PIP4K2A: variants seen among roughly 807,000 people sequenced by gnomAD.
The protein encoded by PIP4K2A is phosphatidylinositol 5-phosphate 4-kinase type-2 alpha.
PIP4K2A carries 14 observed loss-of-function variants against 42.9 expected under a neutral mutation model. That is an observed-to-expected ratio of 0.33 (90% CI 0.22 to 0.51). The LOEUF (loss-of-function observed/expected upper bound fraction) is 0.51. Ranked by LOEUF, PIP4K2A falls within the 20% of genes least tolerant of loss-of-function variation. The pLI is 0.97. For missense variants in PIP4K2A, 434 were observed against 519.8 expected, an observed-to-expected ratio of 0.83 and a Z score of 1.61; for synonymous variants, 192 against 192.2, an observed-to-expected ratio of 1.00 and a Z score of 0.01.
At chr10:22,638,516 A>C (rs1160088641) in intron 1 of PIP4K2A, among the ~76,000 whole-genome samples, 1 of 152,220 alleles carries the variant, frequency 6.6e-6, no homozygotes, top group Non-Finnish European at 1.5e-5. Context: ...ACCAAAAGGA[A>C]AGAGCAGGAA....
chr10:22,709,271 T>C (rs1833874701), intron 1 of PIP4K2A, among the ~76,000 whole-genome samples: 1 of 152,172 alleles, frequency 6.6e-6, no homozygotes, highest in Non-Finnish European at 1.5e-5. Flanking sequence ...TGCTAGGCCT[T>C]AAACACAGTA....
chr10:22,617,302 A>G (rs1220479588), intron 1 of PIP4K2A, among the ~76,000 whole-genome samples: 2 of 152,270 alleles, frequency 1.3e-5, no homozygotes, highest in African/African-American at 2.4e-5. Context: ...CAAGGAATAA[A>G]TAAGTGAGAC....
At chr10:22,548,830 G>C (rs919910510) in intron 7 of PIP4K2A, among the ~76,000 whole-genome samples, 1 of 151,930 alleles carries the variant, frequency 6.6e-6, no homozygotes, top group Non-Finnish European at 1.5e-5. Context: ...AGGATTGCTT[G>C]AGGCCAGGAG....
At chr10:22,699,132 G>A (rs573829485) in intron 1 of PIP4K2A, among the ~76,000 whole-genome samples, 19 of 152,092 alleles carry the variant, frequency 1.2e-4, no homozygotes, top group East Asian at 5.8e-4. Context: ...CTACTTTGGC[G>A]CAACGTGCCA....
intron 1 of PIP4K2A, chr10:22,661,939 C>A (rs1185524167): frequency 1.3e-5 from 2 of 151,988 alleles, no homozygotes; most frequent in Non-Finnish European, 2.9e-5. Flanking sequence ...ACATGAGGAA[C>A]AAGATTGTGA....
chr10:22,647,324 ATGTGTGTG>A (rs774899830), intron 1 of PIP4K2A, among the ~76,000 whole-genome samples: 1 of 85,042 alleles, frequency 1.2e-5, no homozygotes, highest in Admixed American at 9.9e-5. Flanking sequence ...GTGTGTGTGT[ATGTGTGTG>A]TGTGTGTGCA....
intron 1 of PIP4K2A, among the ~76,000 whole-genome samples, chr10:22,705,651 T>C (rs536126302): frequency 6.6e-6 from 1 of 151,894 alleles, no homozygotes; most frequent in South Asian, 2.1e-4. Context: ...ACGATCAACA[T>C]GTCTTGTTAA....
At chr10:22,567,797 G>C (rs754593396) in intron 6 of PIP4K2A, 54 bp downstream of exon 6, 2 of 1,398,286 alleles carry the variant, frequency 1.4e-6, no homozygotes, top group African/African-American at 2.8e-5. Flanking sequence ...AAGGTGATTG[G>C]GAGTATGTGA....
rs562248850 is a variant in PIP4K2A at position 22,712,114 on chromosome 10, C to T, written c.144+2069G>A. ...AACTTCACTCCTCTGGTTGTGGATA[C>T]TTAGAACTGCCAACTTCTCTTGAGA... is the stretch of plus-strand genomic sequence containing the variant. On this transcript the variant is annotated intron_variant, in intron 1 of 9. Coordinates refer to ENST00000376573, the MANE Select transcript of PIP4K2A (RefSeq NM_005028.5). 1.9e-4 allele frequency among the ~76,000 whole-genome samples: 29 copies of T among 152,290 alleles called. No individual in the cohort carries two copies. The South Asian group carries it at 5.6e-3, about 29-fold the overall frequency.
intron 5 of PIP4K2A, among the ~76,000 whole-genome samples, chr10:22,571,986 G>A (rs1342912703): frequency 1.3e-5 from 2 of 152,172 alleles, no homozygotes; most frequent in African/African-American, 4.8e-5. Context: ...AACATGTAAT[G>A]TTTTTCTCAT....
intron 7 of PIP4K2A, among the ~76,000 whole-genome samples, chr10:22,543,032 A>G (rs1332358765): frequency 6.6e-6 from 1 of 152,200 alleles, no homozygotes; most frequent in African/African-American, 2.4e-5. Flanking sequence ...GGCTATGCTG[A>G]TAGAATTTAG....
rs1401127507 is a variant in PIP4K2A at position 22,536,918 on chromosome 10, AATTT to A, written c.*279_*282del. The A allele has an allele frequency of 8.9e-6, 3 of 338,608 alleles. No homozygotes were observed. Among genetic ancestry groups the A allele is most frequent in the African/African-American group, 2.2e-5 (1 of 46,050 alleles). The allele number at this position is 338,608 out of a possible 1,614,324, so 21.0% of individuals were successfully genotyped here. On this transcript the variant is annotated 3_prime_UTR_variant, in exon 10 of 10. Coordinates refer to ENST00000376573, the MANE Select transcript of PIP4K2A (RefSeq NM_005028.5). ...TGACCGAAGTGGATCTGTTTTAATTAATTTATGACTTTTAAAATGCACACGCGCG... is the reference window on the plus strand; with the variant it reads ...TGACCGAAGTGGATCTGTTTTAATTAATGACTTTTAAAATGCACACGCGCG...
chr10:22,660,738 GCCT>G (rs991000644), intron 1 of PIP4K2A, among the ~76,000 whole-genome samples: 4 of 151,726 alleles, frequency 2.6e-5, no homozygotes, highest in African/African-American at 7.3e-5. Context: ...AATCTGTACA[GCCT>G]CCTAACTCTA....
intron 7 of PIP4K2A, among the ~76,000 whole-genome samples, chr10:22,548,851 G>A (rs1422759129): frequency 6.6e-6 from 1 of 151,006 alleles, no homozygotes; most frequent in Non-Finnish European, 1.5e-5. Flanking sequence ...TTCAAGACCA[G>A]CCTGCGCAAC....
chr10:22,573,572 G>T, intron 4 of PIP4K2A, 115 bp from the exon 5 acceptor site: 1 of 821,512 alleles, frequency 1.2e-6, no homozygotes, highest in Non-Finnish European at 1.9e-6. Flanking sequence ...CAGCCATTAG[G>T]GTCTTATTTA....
At position 22,712,028 on chromosome 10, in the gene PIP4K2A, C is replaced by T. The variant is rs531125028; in HGVS notation, c.144+2155G>A. Among the ~76,000 whole-genome samples, 3 of 152,308 alleles carry T rather than the reference C, an allele frequency of 2.0e-5. No homozygotes were observed. The South Asian group carries it at 6.2e-4, about 32-fold the overall frequency. Reference sequence around the variant, plus strand: ...GCAATTCTTCCCACAGTAGCTGGCACTGTATGTGCCCAATATATATCTGTT... The same window carrying T: ...GCAATTCTTCCCACAGTAGCTGGCATTGTATGTGCCCAATATATATCTGTT... On this transcript the variant is annotated intron_variant, in intron 1 of 9. Transcript: ENST00000376573.
chr10:22,658,979 G>C (rs547615537), intron 1 of PIP4K2A, among the ~76,000 whole-genome samples: 1 of 152,110 alleles, frequency 6.6e-6, no homozygotes, highest in African/African-American at 2.4e-5. Flanking sequence ...AGGCCCCTTG[G>C]GGCAGCTCAA....
chr10:22,587,794 C>T (rs1239003261), intron 4 of PIP4K2A, among the ~76,000 whole-genome samples: 1 of 152,208 alleles, frequency 6.6e-6, no homozygotes. Context: ...TATAGCCTTT[C>T]TCTGTAGAAC....
At chr10:22,564,696 T>G (rs1277045992) in intron 6 of PIP4K2A, among the ~76,000 whole-genome samples, 1 of 152,210 alleles carries the variant, frequency 6.6e-6, no homozygotes, top group Admixed American at 6.5e-5. Flanking sequence ...TAGAGGGGGT[T>G]TAGGCGAAGG....
Sources: gnomAD v4.1 joint callset for allele counts (sites outside exome capture counted in the v4.1 genomes callset) on GRCh38, gnomAD v4.1.1 for gene constraint, MANE v1.5 for transcripts, NCBI Gene and HGNC (gene_info 2026-07-23, HGNC 2026-07-21) for gene names.